Variants in NETO1 observed in about 807,000 individuals in gnomAD.
The protein encoded by NETO1 is neuropilin and tolloid-like protein 1.
In NETO1, 26 loss-of-function variants were observed where a neutral mutation model predicts 61.3. The ratio of observed to expected loss-of-function variants is 0.42; its 90% CI spans 0.31 to 0.59. NETO1 has a LOEUF of 0.59. Ranked by LOEUF, NETO1 falls within the 20% of genes least tolerant of loss-of-function variation. The probability of loss-of-function intolerance (pLI) is 0.12; values close to 1 mark genes in which losing one functional copy is unlikely to be tolerated. For missense variants in NETO1, 531 were observed against 662.8 expected, an observed-to-expected ratio of 0.80 and a Z score of 2.18; for synonymous variants, 225 against 225.8, an observed-to-expected ratio of 1.00 and a Z score of 0.03.
intron 4 of NETO1, among the ~76,000 whole-genome samples, chr18:72,816,427 A>G (rs566853778): frequency 1.3e-3 from 195 of 152,314 alleles, no homozygotes; most frequent in African/African-American, 4.4e-3. Context: ...GACAGAGACC[A>G]TTCAAAATGA....
chr18:72,760,288 T>C (rs1471845588), intron 7 of NETO1, among the ~76,000 whole-genome samples: 3 of 152,244 alleles, frequency 2.0e-5, no homozygotes, highest in Non-Finnish European at 2.9e-5. Context: ...CACTTCAAAA[T>C]GAACCTTTCT....
At position 72,864,950 on chromosome 18, in the gene NETO1, TAA is replaced by T. The variant is rs71924600; in HGVS notation, c.83-7_83-6del. The T allele has an allele frequency of 0.018, 25,215 of 1,404,960 alleles. No individual in the cohort carries two copies. Among genetic ancestry groups the T allele is most frequent in the East Asian group, 0.11 (3,868 of 35,152 alleles). The allele number at this position is 1,404,960 out of a possible 1,614,324, so 87.0% of individuals were successfully genotyped here. A position where few individuals can be genotyped will look rare whatever the true frequency, so the allele number is the denominator to read the frequency against. On this transcript the variant is annotated splice_polypyrimidine_tract_variant and splice_region_variant and intron_variant, in intron 2 of 10. Transcript: ENST00000327305. ...TTTCTGAGGTGGTTTGCTTTTCTGT[TAA>T]AAAAAAAAAAAAGTTTTAAAAAGAG...
At chr18:72,775,230 C>T (rs1457047643) in intron 7 of NETO1, among the ~76,000 whole-genome samples, 2 of 152,114 alleles carry the variant, frequency 1.3e-5, no homozygotes, top group African/African-American at 4.8e-5. Flanking sequence ...TTATGCTCTC[C>T]CCTTTACTGG....
chr18:72,763,290 GTCA>G (rs1269727108), intron 7 of NETO1, among the ~76,000 whole-genome samples: 5 of 152,046 alleles, frequency 3.3e-5, no homozygotes, highest in African/African-American at 7.2e-5. Context: ...CGTCAAATAA[GTCA>G]TCATATTACA....
intron 6 of NETO1, 112 bp from the exon 7 acceptor site, chr18:72,784,018 CT>C (rs2071830189): frequency 5.7e-6 from 4 of 704,120 alleles, no homozygotes; most frequent in Middle Eastern, 2.9e-4. Flanking sequence ...TGCAATCAAT[CT>C]TATTATTTTC....
intron 8 of NETO1, among the ~76,000 whole-genome samples, chr18:72,753,957 C>T (rs12327053): frequency 0.23 from 34,664 of 151,958 alleles, 4,338 homozygotes; most frequent in Admixed American, 0.33. Flanking sequence ...CTCCCAACCA[C>T]TTTAAAAGAC....
At chr18:72,771,697 C>T (rs528141546) in intron 7 of NETO1, among the ~76,000 whole-genome samples, 2 of 151,742 alleles carry the variant, frequency 1.3e-5, no homozygotes, top group Non-Finnish European at 1.5e-5. Flanking sequence ...CCTGAACTAC[C>T]GAAAGTAGGA....
At chr18:72,786,988 T>G (rs1446092800) in intron 6 of NETO1, among the ~76,000 whole-genome samples, 1 of 151,102 alleles carries the variant, frequency 6.6e-6, no homozygotes, top group Admixed American at 6.6e-5. Context: ...ATAAGTGAAT[T>G]AATGTGGAAA....
At chr18:72,812,516 A>C (rs1241993451) in intron 4 of NETO1, among the ~76,000 whole-genome samples, 1 of 152,196 alleles carries the variant, frequency 6.6e-6, no homozygotes. Context: ...CACTCTTAAC[A>C]GTTCCTTGCA....
In NETO1 at chr18:72,748,570, C is replaced by T. The variant is rs140975121; in HGVS notation, c.*15-406G>A. Among the ~76,000 whole-genome samples, 83 of 152,004 alleles carry T rather than the reference C, an allele frequency of 5.5e-4. No individual in the cohort carries two copies. The East Asian group carries it at 0.015, about 27-fold the overall frequency. Reference sequence around the variant, plus strand: ...GTCAGTACCAAAAATATTTAGTGTACGAATTTTGAGTACAATTGTTGCCAA... The same window carrying T: ...GTCAGTACCAAAAATATTTAGTGTATGAATTTTGAGTACAATTGTTGCCAA... On this transcript the variant is annotated intron_variant, in intron 10 of 10. Coordinates refer to ENST00000327305, the MANE Select transcript of NETO1 (RefSeq NM_138966.5).
intron 8 of NETO1, among the ~76,000 whole-genome samples, chr18:72,754,109 T>TA (rs1440024596): frequency 6.6e-6 from 1 of 152,146 alleles, no homozygotes; most frequent in Non-Finnish European, 1.5e-5. Context: ...TCACTATAAT[T>TA]AAGTTAGTAG....
intron 7 of NETO1, 114 bp from the exon 8 acceptor site, chr18:72,756,261 G>A: frequency 1.7e-6 from 1 of 585,552 alleles, no homozygotes. Flanking sequence ...CACAAACTGA[G>A]ATAAATGATC....
chr18:72,816,341 G>T (rs1449523836), intron 4 of NETO1, among the ~76,000 whole-genome samples: 3 of 152,214 alleles, frequency 2.0e-5, no homozygotes, highest in Non-Finnish European at 4.4e-5. Context: ...GAAAATGCCT[G>T]AGGAACTGGA....
chr18:72,821,234 T>TAAAAAA lies in NETO1; in HGVS notation c.470-26836_470-26831dup, dbSNP rs10672110. Among the ~76,000 whole-genome samples, 6 of 80,214 alleles carry TAAAAAA rather than the reference T, an allele frequency of 7.5e-5. 1 individual carries two copies. Among genetic ancestry groups the TAAAAAA allele is most frequent in the Admixed American group, 6.2e-4 (4 of 6,500 alleles). The allele number at this position is 80,214 out of a possible 152,430, so 52.6% of individuals were successfully genotyped here. On this transcript the variant is annotated intron_variant, in intron 4 of 10. Transcript: ENST00000327305. ...TAAGCATTCTCTTCTTCATATTAAC[T>TAAAAAA]AAAAAAAAAAAAAAAAAAAAAAATG...
chr18:72,859,162 C>A, intron 3 of NETO1, 88 bp from the exon 4 acceptor site: 1 of 1,293,692 alleles, frequency 7.7e-7, no homozygotes, highest in East Asian at 2.4e-5. Context: ...GTTATTTGTA[C>A]ATCTTCTCTC....
intron 4 of NETO1, among the ~76,000 whole-genome samples, chr18:72,808,908 G>T (rs1288183949): frequency 6.6e-6 from 1 of 152,222 alleles, no homozygotes; most frequent in East Asian, 1.9e-4. Context: ...AATGCAGAAT[G>T]CCAAGTGGTG....
rs143439305 is a variant in NETO1 at position 72,814,210 on chromosome 18, G to A, written c.470-19806C>T. 2.2e-3 allele frequency among the ~76,000 whole-genome samples: 331 copies of A among 152,162 alleles called. 1 individual carries two copies. The highest frequency in any genetic ancestry group is 7.8e-3 in the African/African-American group (324 of 41,542). On this transcript the variant is annotated intron_variant, in intron 4 of 10. Coordinates refer to ENST00000327305, the MANE Select transcript of NETO1 (RefSeq NM_138966.5). ...TAAGAAATGTGTGGGTAAACAGATG[G>A]GCACTCACTGAATCCAATAATAAGA...
intron 4 of NETO1, among the ~76,000 whole-genome samples, chr18:72,799,128 T>C (rs573059433): frequency 3.3e-5 from 5 of 152,334 alleles, no homozygotes; most frequent in Admixed American, 2.0e-4. Flanking sequence ...GGTGAAAAGT[T>C]GATCCTGCCT....
At chr18:72,849,580 C>T (rs2074190661) in intron 4 of NETO1, among the ~76,000 whole-genome samples, 2 of 152,196 alleles carry the variant, frequency 1.3e-5, no homozygotes, top group Non-Finnish European at 2.9e-5. Context: ...CTGCCTAATT[C>T]CAAAACTATT....
Sources: gnomAD v4.1 joint callset for allele counts (sites outside exome capture counted in the v4.1 genomes callset) on GRCh38, gnomAD v4.1.1 for gene constraint, MANE v1.5 for transcripts, NCBI Gene and HGNC (gene_info 2026-07-23, HGNC 2026-07-21) for gene names.